The following RREB1 variants were observed in gnomAD, a reference collection of about 807,000 sequenced individuals.
RREB1 encodes ras responsive element binding protein 1.
A neutral mutation model predicts 117.8 loss-of-function variants in RREB1; 27 were observed. The observed-to-expected ratio is 0.23, with a 90% CI of 0.17 to 0.32. The LOEUF (loss-of-function observed/expected upper bound fraction) is 0.32. RREB1 is among the 10% of genes least tolerant of loss of function. The pLI is 1.00. For synonymous variants in RREB1, 1,298 were observed against 1,026.7 expected (o/e 1.26, Z -5.05); for missense variants, 2,577 against 2,378.2 (o/e 1.08, Z -1.74).
chr6:7,130,929 C>CTTTTTT (rs61305060), intron 1 of RREB1, among the ~76,000 whole-genome samples: 6 of 45,718 alleles, frequency 1.3e-4, no homozygotes, highest in African/African-American at 2.2e-4. Context: ...ATAGTCATGT[C>CTTTTTT]TTTTTTTTTT....
chr6:7,129,717 T>A (rs1410973705), intron 1 of RREB1, among the ~76,000 whole-genome samples: 7 of 152,232 alleles, frequency 4.6e-5, no homozygotes, highest in African/African-American at 1.7e-4. Context: ...GTGAGCCACC[T>A]TCGAGAGGGG....
chr6:7,240,268 A>G (rs1768616161), intron 10 of RREB1, among the ~76,000 whole-genome samples, 170 bp from the exon 11 acceptor site: 1 of 149,060 alleles, frequency 6.7e-6, no homozygotes, highest in Non-Finnish European at 1.5e-5. Context: ...GAGAATGATC[A>G]TTTTAGTCAT....
chr6:7,137,174 C>T (rs1248771321), intron 1 of RREB1, among the ~76,000 whole-genome samples: 1 of 152,184 alleles, frequency 6.6e-6, no homozygotes, highest in African/African-American at 2.4e-5. Context: ...GTCCTGTCCC[C>T]TGGCTTTCCT....
intron 1 of RREB1, among the ~76,000 whole-genome samples, chr6:7,114,438 C>CTGTCAAAAAAA (rs1443248284): frequency 3.4e-5 from 5 of 147,980 alleles, no homozygotes; most frequent in Non-Finnish European, 6.0e-5. Context: ...ACTTTTGGCA[C>CTGTCAAAAAAA]TGTCTGGAGA....
intron 2 of RREB1, among the ~76,000 whole-genome samples, chr6:7,177,587 T>G (rs543442317): frequency 6.6e-6 from 1 of 152,276 alleles, no homozygotes; most frequent in South Asian, 2.1e-4. Flanking sequence ...CAGGCTGGAA[T>G]GCAATGGTGT....
chr6:7,187,296 A>C (rs979873355), intron 4 of RREB1, 138 bp from the exon 5 acceptor site: 31 of 460,138 alleles, frequency 6.7e-5, no homozygotes, highest in Middle Eastern at 7.1e-4. Flanking sequence ...GACTTGCACA[A>C]GCTTATACCT....
chr6:7,148,522 G>A (rs77112061), intron 1 of RREB1, among the ~76,000 whole-genome samples: 4,915 of 145,080 alleles, frequency 0.034, 106 homozygotes, highest in Non-Finnish European at 0.045. Context: ...GAGCCATGTG[G>A]TACAGTGGCA....
chr6:7,191,274 G>C (rs544579705), intron 6 of RREB1, among the ~76,000 whole-genome samples: 1 of 151,634 alleles, frequency 6.6e-6, no homozygotes, highest in East Asian at 1.9e-4. Context: ...ATTATACCGT[G>C]TAAAGTGTGC....
chr6:7,109,517 G>C (rs1352051693), intron 1 of RREB1, among the ~76,000 whole-genome samples: 3 of 152,082 alleles, frequency 2.0e-5, no homozygotes, highest in Non-Finnish European at 4.4e-5. Flanking sequence ...CTTTCTCTCC[G>C]GGCGGGGCGG....
chr6:7,119,375 C>G (rs562870234), intron 1 of RREB1, among the ~76,000 whole-genome samples: 62 of 152,188 alleles, frequency 4.1e-4, no homozygotes, highest in Non-Finnish European at 7.5e-4. Context: ...GACACGTGTT[C>G]AGCAACTAAG....
At chr6:7,189,471 A>G (rs1765282182) in intron 6 of RREB1, 149 bp downstream of exon 6, 1 of 745,708 alleles carries the variant, frequency 1.3e-6, no homozygotes, top group Non-Finnish European at 2.1e-6. Flanking sequence ...AGAGATGCAC[A>G]CTATCTCTGG....
rs747198771 is a variant in RREB1, at chr6:7,251,489, C to CTTGTTTTTTTTTTTTT, written c.*2523_*2524insGTTTTTTTTTTTTTTT. ...GTTTTTTGAGGTGCAAGTTTTTTCTCTTTTTTTTTTTTTTTTTTTTTTCTC... is the reference window on the plus strand; with the variant it reads ...GTTTTTTGAGGTGCAAGTTTTTTCTCTTGTTTTTTTTTTTTTTTTTTTTTTTTTTTTTTTTTTTCTC... On this transcript the variant is annotated 3_prime_UTR_variant, in exon 13 of 13. Transcript: ENST00000379938. The CTTGTTTTTTTTTTTTT allele has an allele frequency of 4.9e-5, 6 of 121,352 alleles. 1 individual carries two copies. The highest frequency in any genetic ancestry group is 6.9e-5 in the Non-Finnish European group (4 of 58,338). The allele number at this position is 121,352 out of a possible 1,614,324, so 7.5% of individuals were successfully genotyped here. A position where few individuals can be genotyped will look rare whatever the true frequency, so the allele number is the denominator to read the frequency against.
At chr6:7,144,021 TTTTAC>T (rs1762750349) in intron 1 of RREB1, among the ~76,000 whole-genome samples, 1 of 151,994 alleles carries the variant, frequency 6.6e-6, no homozygotes, top group Admixed American at 6.5e-5. Context: ...AGTGCAAGTA[TTTTAC>T]TTTATTAAAG....
At chr6:7,145,752 G>A (rs1306598752) in intron 1 of RREB1, among the ~76,000 whole-genome samples, 1 of 151,362 alleles carries the variant, frequency 6.6e-6, no homozygotes, top group African/African-American at 2.4e-5. Flanking sequence ...GATAGTGGAA[G>A]TCTTATACTA....
At chr6:7,207,318 T>C (rs1472933238) in intron 6 of RREB1, among the ~76,000 whole-genome samples, 1 of 152,214 alleles carries the variant, frequency 6.6e-6, no homozygotes, top group Non-Finnish European at 1.5e-5. Flanking sequence ...AGAAAGGCAG[T>C]CACTCATTTC....
At position 7,165,610 on chromosome 6, in the gene RREB1, CTG is replaced by C. The variant is rs556426571; in HGVS notation, c.-284-11040_-284-11039del. On this transcript the variant is annotated intron_variant, in intron 1 of 12. Coordinates refer to ENST00000379938, the MANE Select transcript of RREB1 (RefSeq NM_001003699.4). Reference sequence around the variant, plus strand: ...TAGGCATCAGCTTGGATTTACAAATCTGTGTGCTACAGAGATTTTCCCTGTTA... The same window carrying C: ...TAGGCATCAGCTTGGATTTACAAATCTGTGCTACAGAGATTTTCCCTGTTA... 1.9e-4 allele frequency among the ~76,000 whole-genome samples: 29 copies of C among 152,288 alleles called. No homozygotes were observed. The East Asian group carries it at 5.2e-3, about 27-fold the overall frequency.
intron 1 of RREB1, among the ~76,000 whole-genome samples, chr6:7,118,509 C>T (rs1025224504): frequency 6.6e-6 from 1 of 152,162 alleles, no homozygotes; most frequent in Admixed American, 6.5e-5. Flanking sequence ...TAGTGAACAT[C>T]TCAAACAGGT....
intron 6 of RREB1, among the ~76,000 whole-genome samples, chr6:7,200,715 A>G (rs907283120): frequency 4.6e-5 from 7 of 152,248 alleles, no homozygotes; most frequent in Non-Finnish European, 8.8e-5. Flanking sequence ...CCAAGTGGAC[A>G]CTGTCCCCTC....
chr6:7,191,187 G>GT (rs1486893236), intron 6 of RREB1, among the ~76,000 whole-genome samples: 1 of 151,856 alleles, frequency 6.6e-6, no homozygotes, highest in Admixed American at 6.6e-5. Flanking sequence ...TGTCATATCT[G>GT]TATTACGTGA....
Sources: allele counts gnomAD v4.1 joint callset (sites outside exome capture counted in the v4.1 genomes callset), GRCh38; gene constraint gnomAD v4.1.1; transcripts MANE v1.5; gene names NCBI Gene and HGNC (gene_info 2026-07-23, HGNC 2026-07-21).